The following PGS1 variants were observed in gnomAD, a reference collection of about 807,000 sequenced individuals.
The protein encoded by PGS1 is phosphatidylglycerophosphate synthase 1.
A neutral mutation model predicts 58.3 loss-of-function variants in PGS1; 44 were observed. The observed-to-expected ratio is 0.75, with a 90% CI of 0.59 to 0.97. PGS1 has a LOEUF of 0.97. PGS1 is among the 50% of genes least tolerant of loss of function. The probability of loss-of-function intolerance (pLI) is 0.00; values close to 1 mark genes in which losing one functional copy is unlikely to be tolerated. For missense variants in PGS1, 684 were observed against 731.1 expected (o/e 0.94, Z 0.74); for synonymous variants, 330 against 311.0 (o/e 1.06, Z -0.64).
At chr17:78,391,475 A>T (rs1159883078) in intron 1 of PGS1, among the ~76,000 whole-genome samples, 7 of 152,006 alleles carry the variant, frequency 4.6e-5, no homozygotes, top group African/African-American at 7.2e-5. Flanking sequence ...TTGTGCTACC[A>T]TGCCCAGGTA....
intron 1 of PGS1, among the ~76,000 whole-genome samples, chr17:78,391,776 C>A (rs1436894803): frequency 2.6e-5 from 4 of 152,152 alleles, no homozygotes; most frequent in Admixed American, 2.6e-4. Context: ...CTGCACCCAG[C>A]CTGCCCAGCT....
chr17:78,411,629 C>T (rs761567354), intron 7 of PGS1, among the ~76,000 whole-genome samples: 8 of 152,220 alleles, frequency 5.3e-5, no homozygotes, highest in Non-Finnish European at 1.0e-4. Flanking sequence ...CCCAGGCTAT[C>T]GTTCCTGCTG....
chr17:78,403,442 C>T (rs562056029), intron 6 of PGS1, 126 bp from the exon 7 acceptor site: 966 of 1,045,052 alleles, frequency 9.2e-4, no homozygotes, highest in Non-Finnish European at 1.2e-3. Flanking sequence ...GCCCACTCAG[C>T]GAGTGTTCAG....
intron 4 of PGS1, among the ~76,000 whole-genome samples, chr17:78,398,975 G>A (rs557276801): frequency 2.6e-5 from 4 of 152,338 alleles, no homozygotes; most frequent in African/African-American, 2.4e-5. Flanking sequence ...CCAGGCCTGC[G>A]TGCTCCCTCA....
rs537256039 is a variant in PGS1 at position 78,407,874 on chromosome 17, C to T, written c.1402+3785C>T. On this transcript the variant is annotated intron_variant, in intron 7 of 9. Coordinates refer to ENST00000262764, the MANE Select transcript of PGS1 (RefSeq NM_024419.5). ...GGCACCTTCTCATGTAAAATGACCCCGTGGCTCAGCAGCTGCCAGTGGATT... is the reference window on the plus strand; with the variant it reads ...GGCACCTTCTCATGTAAAATGACCCTGTGGCTCAGCAGCTGCCAGTGGATT... Among the ~76,000 whole-genome samples, 7 of 152,304 alleles carry T rather than the reference C, an allele frequency of 4.6e-5. No individual in the cohort carries two copies. The South Asian group carries it at 6.2e-4, about 14-fold the overall frequency.
In PGS1 at chr17:78,404,067, G is replaced by C; in HGVS notation, c.1380G>C (p.Arg460Ser). ...TCCAGCTTCAGGAGTACTGGCGGAG[G>C]GGCTGGACGTTCCACGCCAAAGGTG... ...ERVQLQEYWRRGWTFHAKGLW... is the reference protein window; with the variant it reads ...ERVQLQEYWRSGWTFHAKGLW... The change falls in exon 7 of 10, where the codon AGG becomes AGC. Residue 460 changes from arginine to serine, a missense_variant. Transcript: ENST00000262764. The C allele has an allele frequency of 1.3e-6, 2 of 1,587,790 alleles. No homozygotes were observed. Among genetic ancestry groups the C allele is most frequent in the Non-Finnish European group, 1.7e-6 (2 of 1,165,580 alleles).
Position 78,396,374 on chromosome 17 carries a change from G to C in PGS1, c.400G>C (p.Glu134Gln). The stretch of plus-strand genomic sequence containing the variant: ...CCTCTACCTGGGGACAGGTCCTTTG[G>C]AACAGGAGCTGGTAAGGTTTATGGG... ...ASLYLGTGPLEQELVDCLEST... is the reference protein window; with the variant it reads ...ASLYLGTGPLQQELVDCLEST... Residue 134 changes from glutamate (E) to glutamine (Q), a missense_variant, in exon 3 of 10, where the codon GAA (glutamate) becomes CAA (glutamine). Glu to Gln is a conservative substitution (Grantham distance 29). Coordinates refer to ENST00000262764, the MANE Select transcript of PGS1 (RefSeq NM_024419.5). 1.2e-6 allele frequency: 2 copies of C among 1,611,334 alleles called. No individual in the cohort carries two copies. The highest frequency in any genetic ancestry group is 2.2e-5 in the South Asian group (2 of 90,834).
chr17:78,396,290 A>G lies in PGS1; in HGVS notation c.334-18A>G, dbSNP rs1213842472. 4 of 1,602,094 alleles carry G rather than the reference A, an allele frequency of 2.5e-6. No individual in the cohort carries two copies. Among genetic ancestry groups the G allele is most frequent in the Non-Finnish European group, 3.4e-6 (4 of 1,169,320 alleles). ...TGAAAATGATGAATTTGAATTTTGA[A>G]TTTTTCTCCTCTCTCAGGGGCAGAT... On this transcript the variant is annotated intron_variant, in intron 2 of 9. Transcript: ENST00000262764.
In PGS1 at chr17:78,382,198, A is replaced by G. The variant is rs75470328; in HGVS notation, c.143+3390A>G. Among the ~76,000 whole-genome samples, 1,014 of 152,254 alleles carry G rather than the reference A, an allele frequency of 6.7e-3. 13 individuals are homozygous for G. Among genetic ancestry groups the G allele is most frequent in the African/African-American group, 0.023 (970 of 41,544 alleles). On this transcript the variant is annotated intron_variant, in intron 1 of 9. Coordinates refer to ENST00000262764, the MANE Select transcript of PGS1 (RefSeq NM_024419.5). ...CTGAGGTCCCACCAATACTGAAACC[A>G]TTTCCAGGAGCTGACTAGGGGTACC... is the stretch of plus-strand genomic sequence containing the variant.
chr17:78,380,145 C>G (rs1398202320), intron 1 of PGS1, among the ~76,000 whole-genome samples: 2 of 151,990 alleles, frequency 1.3e-5, no homozygotes, highest in Non-Finnish European at 2.9e-5. Flanking sequence ...GGATTACAGG[C>G]GTGAGCCACC....
Position 78,400,861 on chromosome 17 carries a change from G to A in PGS1, c.880+6G>A. ...GATGGTGCATCCTTACAAAGGTAGG[G>A]GCTGCCGCTGACACCCTTCTATGGC... On this transcript the variant is annotated splice_donor_region_variant and intron_variant, in intron 6 of 9. Coordinates refer to ENST00000262764, the MANE Select transcript of PGS1 (RefSeq NM_024419.5). The surrounding 1 kb of genome is among the most constrained non-coding windows in gnomAD (Gnocchi z 4.4). 1 of 1,584,472 alleles carries A rather than the reference G, an allele frequency of 6.3e-7. No individual in the cohort carries two copies. Among genetic ancestry groups the A allele is most frequent in the Non-Finnish European group, 8.6e-7 (1 of 1,162,132 alleles).
chr17:78,410,684 G>A (rs1567990354), intron 7 of PGS1, among the ~76,000 whole-genome samples: 3 of 151,930 alleles, frequency 2.0e-5, no homozygotes, highest in East Asian at 2.0e-4. Context: ...ATGATGGCCA[G>A]GCTGGTTTTG....
chr17:78,424,155 T>C lies in PGS1; in HGVS notation c.*105T>C, dbSNP rs2086278437. The stretch of plus-strand genomic sequence containing the variant: ...CAGTCTGGGTGTCCCAGCGAGCCCC[T>C]GCAGGGACAGTATGGCTGAGGGTCA... On this transcript the variant is annotated 3_prime_UTR_variant, in exon 10 of 10. Coordinates refer to ENST00000262764, the MANE Select transcript of PGS1 (RefSeq NM_024419.5). 1 of 1,608,242 alleles carries C rather than the reference T, an allele frequency of 6.2e-7. No individual in the cohort carries two copies. Among genetic ancestry groups the C allele is most frequent in the African/African-American group, 1.3e-5 (1 of 74,884 alleles).
At chr17:78,386,890 G>A (rs1382185950) in intron 1 of PGS1, among the ~76,000 whole-genome samples, 2 of 152,164 alleles carry the variant, frequency 1.3e-5, no homozygotes, top group Non-Finnish European at 2.9e-5. Flanking sequence ...GAGCAGTATA[G>A]TTTCAGAGCA....
At chr17:78,383,754 G>T (rs906336909) in intron 1 of PGS1, among the ~76,000 whole-genome samples, 2 of 152,212 alleles carry the variant, frequency 1.3e-5, no homozygotes, top group Non-Finnish European at 2.9e-5. Flanking sequence ...AAATAATTCA[G>T]ATTTGATTTT....
At position 78,424,311 on chromosome 17, in the gene PGS1, C is replaced by T. The variant is rs757059576; in HGVS notation, c.*261C>T. 297 of 885,350 alleles carry T rather than the reference C, an allele frequency of 3.4e-4. 1 individual carries two copies. The Middle Eastern group carries it at 6.4e-3, about 19-fold the overall frequency. The allele number at this position is 885,350 out of a possible 1,614,324, so 54.8% of individuals were successfully genotyped here. ...TGCCACGGCTGGAAGCAGAGGCCTTCGTAGGTGATGGCCTGCATGTTGTAA... is the reference window on the plus strand; with the variant it reads ...TGCCACGGCTGGAAGCAGAGGCCTTTGTAGGTGATGGCCTGCATGTTGTAA... On this transcript the variant is annotated 3_prime_UTR_variant, in exon 10 of 10. Transcript: ENST00000262764.
intron 7 of PGS1, among the ~76,000 whole-genome samples, chr17:78,404,731 G>C (rs1201683998): frequency 6.6e-6 from 1 of 152,092 alleles, no homozygotes; most frequent in Non-Finnish European, 1.5e-5. Flanking sequence ...TGCGATCTTG[G>C]CTCACCGCAA....
chr17:78,396,680 C>T (rs1474424805), intron 3 of PGS1, among the ~76,000 whole-genome samples: 1 of 152,250 alleles, frequency 6.6e-6, no homozygotes, highest in Non-Finnish European at 1.5e-5. Flanking sequence ...CAGTTCAGGG[C>T]TTGGCCGACT....
At position 78,398,425 on chromosome 17, in the gene PGS1, C is replaced by T. The variant is rs2083410347; in HGVS notation, c.511+74C>T. 2.5e-5 allele frequency: 24 copies of T among 977,282 alleles called. No individual in the cohort carries two copies. The South Asian group carries it at 3.0e-4, about 12-fold the overall frequency. The allele number at this position is 977,282 out of a possible 1,614,324, so 60.5% of individuals were successfully genotyped here. A position where few individuals can be genotyped will look rare whatever the true frequency, so the allele number is the denominator to read the frequency against. ...CAGTCCCAAGAGGGGTTACTGTCACCCCCTCATCCCCAGGCAGAGTCAAGG... is the reference window on the plus strand; with the variant it reads ...CAGTCCCAAGAGGGGTTACTGTCACTCCCTCATCCCCAGGCAGAGTCAAGG... On this transcript the variant is annotated intron_variant, in intron 4 of 9. Transcript: ENST00000262764.
Sources: allele counts gnomAD v4.1 joint callset (sites outside exome capture counted in the v4.1 genomes callset), GRCh38; gene constraint gnomAD v4.1.1; non-coding constraint Gnocchi (gnomAD v3.1); transcripts MANE v1.5; gene names NCBI Gene and HGNC (gene_info 2026-07-23, HGNC 2026-07-21).